TFAP2D: variants seen among roughly 807,000 people sequenced by gnomAD.
The protein encoded by TFAP2D is transcription factor AP-2 delta, also known as transcription factor AP-2-delta.
TFAP2D carries 9 observed loss-of-function variants against 43.6 expected under a neutral mutation model. The ratio of observed to expected loss-of-function variants is 0.21; its 90% CI spans 0.12 to 0.36. TFAP2D has a LOEUF of 0.36. TFAP2D is among the 10% of genes least tolerant of loss of function. The pLI, the probability that TFAP2D is intolerant of heterozygous loss-of-function variation, is 1.00. For synonymous variants in TFAP2D, 256 were observed against 224.9 expected (o/e 1.14, Z -1.24); for missense variants, 513 against 561.4 (o/e 0.91, Z 0.87).
intron 7 of TFAP2D, among the ~76,000 whole-genome samples, chr6:50,770,317 G>C (rs1769506629): frequency 6.6e-6 from 1 of 152,244 alleles, no homozygotes; most frequent in Non-Finnish European, 1.5e-5. Context: ...TGTGGATATA[G>C]TAGTTGAGCA....
At chr6:50,744,495 A>G (rs13210797) in intron 5 of TFAP2D, among the ~76,000 whole-genome samples, 3 of 152,270 alleles carry the variant, frequency 2.0e-5, no homozygotes, top group Middle Eastern at 3.4e-3. Context: ...TTTAAAAATA[A>G]CATTGTTTTC....
At chr6:50,763,271 G>A (rs1471254506) in intron 7 of TFAP2D, among the ~76,000 whole-genome samples, 1 of 152,130 alleles carries the variant, frequency 6.6e-6, no homozygotes, top group African/African-American at 2.4e-5. Flanking sequence ...AATGTGTCCA[G>A]CAGAGTGGGA....
At chr6:50,750,546 A>G (rs1384340237) in intron 6 of TFAP2D, among the ~76,000 whole-genome samples, 2 of 151,958 alleles carry the variant, frequency 1.3e-5, no homozygotes, top group African/African-American at 4.8e-5. Context: ...TTACATTGTA[A>G]CACTGTAATT....
At chr6:50,722,194 C>T (rs889374120) in intron 3 of TFAP2D, among the ~76,000 whole-genome samples, 4 of 152,238 alleles carry the variant, frequency 2.6e-5, no homozygotes, top group African/African-American at 9.6e-5. Flanking sequence ...TCCCTGCGTG[C>T]TGACTCTCGG....
Position 50,715,246 on chromosome 6 carries a change from C to A in TFAP2D, c.170C>A (p.Ser57Tyr). 3 of 1,614,060 alleles carry A rather than the reference C, an allele frequency of 1.9e-6. No homozygotes were observed. Among genetic ancestry groups the A allele is most frequent in the Non-Finnish European group, 2.5e-6 (3 of 1,180,016 alleles). Residue 57 changes from serine to tyrosine, a missense_variant, in exon 2 of 8, where the codon TCC becomes TAC. Physicochemically the swap from Ser to Tyr is moderately radical, Grantham distance 144. This residue lies in a region of TFAP2D where 311 missense variants were observed against 316.2 expected (regional missense o/e 0.98). Coordinates refer to ENST00000008391, the MANE Select transcript of TFAP2D (RefSeq NM_172238.4). ...TYSTTGTEFA[S>Y]PYFSTNHQYT... ...TCCACCACCGGCACCGAGTTTGCGT[C>A]CCCCTACTTCTCCACTAACCACCAG... is the stretch of plus-strand genomic sequence containing the variant.
intron 3 of TFAP2D, among the ~76,000 whole-genome samples, chr6:50,723,044 A>G (rs904159224): frequency 6.6e-6 from 1 of 152,176 alleles, no homozygotes; most frequent in Non-Finnish European, 1.5e-5. Flanking sequence ...GAATCAAAAC[A>G]TTTTGGAGGA....
In TFAP2D at chr6:50,762,744, T is replaced by C. The variant is rs1362171358; in HGVS notation, c.1140-9901T>C. Among the ~76,000 whole-genome samples the C allele has an allele frequency of 2.0e-5, 3 of 152,260 alleles. No homozygotes were observed. The East Asian group carries it at 5.8e-4, about 29-fold the overall frequency. On this transcript the variant is annotated intron_variant, in intron 7 of 7. Transcript: ENST00000008391. ...ATAAACTACACTAGTCTGAGTTTTCTCAGCAGGTGATGGTATTGTTCACAG... is the reference window on the plus strand; with the variant it reads ...ATAAACTACACTAGTCTGAGTTTTCCCAGCAGGTGATGGTATTGTTCACAG...
chr6:50,772,253 AG>A (rs1266157285), intron 7 of TFAP2D, among the ~76,000 whole-genome samples: 1 of 144,740 alleles, frequency 6.9e-6, no homozygotes, highest in African/African-American at 2.5e-5. Context: ...GGGTGGGCGG[AG>A]GGGGGAGGGA....
intron 7 of TFAP2D, among the ~76,000 whole-genome samples, chr6:50,768,283 T>TC (rs1301349794): frequency 6.6e-6 from 1 of 150,720 alleles, no homozygotes; most frequent in African/African-American, 2.4e-5. Flanking sequence ...CTTTTTTTTT[T>TC]TTTTTTGGAG....
chr6:50,725,044 T>C (rs146981979), intron 3 of TFAP2D, among the ~76,000 whole-genome samples: 1 of 152,290 alleles, frequency 6.6e-6, no homozygotes, highest in African/African-American at 2.4e-5. Flanking sequence ...TTCTTACTTG[T>C]AGCCCGGTAC....
intron 7 of TFAP2D, among the ~76,000 whole-genome samples, chr6:50,759,038 A>G (rs991795915): frequency 6.6e-6 from 1 of 152,058 alleles, no homozygotes; most frequent in Non-Finnish European, 1.5e-5. Flanking sequence ...GATTTAGCAC[A>G]TAAGAGACTA....
chr6:50,728,774 T>C (rs751478532), intron 3 of TFAP2D, 82 bp from the exon 4 acceptor site: 6 of 1,396,048 alleles, frequency 4.3e-6, no homozygotes, highest in Non-Finnish European at 6.0e-6. Flanking sequence ...AAATCCAGAA[T>C]AGTCTTTTGA....
chr6:50,766,236 G>T (rs2113894626), intron 7 of TFAP2D, among the ~76,000 whole-genome samples: 1 of 152,180 alleles, frequency 6.6e-6, no homozygotes, highest in East Asian at 1.9e-4. Flanking sequence ...CTGTTTTTAT[G>T]CCAGTACTAT....
rs376894758 is a variant in TFAP2D at position 50,715,466 on chromosome 6, G to C, written c.390G>C (p.Gln130His). 2 of 1,614,092 alleles carry C rather than the reference G, an allele frequency of 1.2e-6. No individual in the cohort carries two copies. The highest frequency in any genetic ancestry group is 3.3e-5 in the Admixed American group (2 of 60,028). Residue 130 changes from glutamine to histidine, a missense_variant, in exon 2 of 8, where the codon CAG (glutamine) becomes CAC (histidine). Physicochemically the swap from Gln to His is conservative, Grantham distance 24 (BLOSUM62 0). Around this residue, in one of 3 missense-constraint regions of TFAP2D, gnomAD observed 311 missense variants for 316.2 expected, o/e 0.98. Transcript: ENST00000008391. ...TCAAGTCGTCCTGCCTGGACGAGCA[G>C]AGGCGGGAGCTGGGCTGCCTCGATG... The part of the protein sequence containing the change: ...RALKSSCLDE[Q>H]RRELGCLDAY...
At chr6:50,716,694 A>G (rs1217459720) in intron 2 of TFAP2D, among the ~76,000 whole-genome samples, 1 of 152,248 alleles carries the variant, frequency 6.6e-6, no homozygotes, top group Non-Finnish European at 1.5e-5. Flanking sequence ...CCATAGTTTT[A>G]GCTCCTTTTA....
intron 6 of TFAP2D, 92 bp downstream of exon 6, chr6:50,745,340 C>A: frequency 6.5e-7 from 1 of 1,538,928 alleles, no homozygotes; most frequent in South Asian, 1.2e-5. Context: ...AGAAGGCACC[C>A]GTTCTCTAAA....
At chr6:50,720,052 A>G (rs867526607) in intron 3 of TFAP2D, among the ~76,000 whole-genome samples, 1 of 152,222 alleles carries the variant, frequency 6.6e-6, no homozygotes. Flanking sequence ...GAGTAACCCG[A>G]GCAGCACACA....
intron 1 of TFAP2D, 122 bp from the exon 2 acceptor site, chr6:50,714,994 C>T (rs1320662547): frequency 7.4e-7 from 1 of 1,359,012 alleles, no homozygotes; most frequent in Non-Finnish European, 9.9e-7. Context: ...GGCCCGAGTC[C>T]TACGCGCTCG....
At chr6:50,728,014 G>A (rs79398863) in intron 3 of TFAP2D, among the ~76,000 whole-genome samples, 5,209 of 152,176 alleles carry the variant, frequency 0.034, 120 homozygotes, top group Middle Eastern at 0.11. Flanking sequence ...TGAAGCTCAG[G>A]GGGCTTTCTG....
Sources: allele counts gnomAD v4.1 joint callset (sites outside exome capture counted in the v4.1 genomes callset), GRCh38; gene constraint gnomAD v4.1.1; regional missense constraint gnomAD v4.1.1; transcripts MANE v1.5; gene names NCBI Gene and HGNC (gene_info 2026-07-23, HGNC 2026-07-21).